Variants in PRUNE2 observed in about 807,000 individuals in gnomAD.
PRUNE2 encodes prune homolog 2 with BCH domain, also known as protein prune homolog 2.
PRUNE2 carries 164 observed loss-of-function variants against 252.0 expected under a neutral mutation model. The ratio of observed to expected loss-of-function variants is 0.65; its 90% CI spans 0.57 to 0.74. The LOEUF (loss-of-function observed/expected upper bound fraction) is 0.74, where lower values mean the gene tolerates loss of function less well. PRUNE2 is among the 30% of genes least tolerant of loss of function. PRUNE2 has a pLI of 0.00. For synonymous variants in PRUNE2, 1,292 were observed against 1,350.2 expected (o/e 0.96, Z 0.94); for missense variants, 3,495 against 3,711.0 (o/e 0.94, Z 1.51).
rs549297695 is a variant in PRUNE2 at position 76,770,419 on chromosome 9, C to T, written c.756+53213G>A. Among the ~76,000 whole-genome samples the T allele has an allele frequency of 4.6e-5, 7 of 152,014 alleles. No individual in the cohort carries two copies. The South Asian group carries it at 1.5e-3, about 32-fold the overall frequency. ...AACACATTTTCAATCCAATCTATTG[C>T]CTTATTTTTAAAATATGTTAATGGC... On this transcript the variant is annotated intron_variant, in intron 6 of 18. Coordinates refer to ENST00000376718, the MANE Select transcript of PRUNE2 (RefSeq NM_015225.3).
In PRUNE2 at chr9:76,706,052, AGCATCTATCCACAAGTCAGGC is replaced by A. The variant is rs1418352199; in HGVS notation, c.6201_6221del (p.Pro2068_Ala2074del). 1 of 1,614,006 alleles carries A rather than the reference AGCATCTATCCACAAGTCAGGC, an allele frequency of 6.2e-7. No homozygotes were observed. The highest frequency in any genetic ancestry group is 1.1e-5 in the South Asian group (1 of 91,086). ...CTGCTTTCAAACTGAAGGGCTTCTT[AGCATCTATCCACAAGTCAGGC>A]GCGGCAGAGGCCAGCTGCCCACCCT... On this transcript the variant is annotated inframe_deletion, in exon 8 of 19. Transcript: ENST00000376718.
In PRUNE2 at chr9:76,709,048, G is replaced by C. The variant is rs772857061; in HGVS notation, c.3226C>G (p.Gln1076Glu). 22 of 1,613,988 alleles carry C rather than the reference G, an allele frequency of 1.4e-5. 1 individual carries two copies. In the South Asian group the frequency reaches 2.4e-4, roughly 18 times the overall value. ...ATGCTGGGGTCGTCGTAACTGGACT[G>C]GCTGCTTTCCCCGACGTCATCCTCC... ...SMEDDVGESS[Q>E]SSYDDPSMMQ... Residue 1076 changes from glutamine (Q) to glutamate (E), a missense_variant, in exon 8 of 19, where the codon CAG (glutamine) becomes GAG (glutamate). Physicochemically the swap from Gln to Glu is conservative, Grantham distance 29 (BLOSUM62 2). Coordinates refer to ENST00000376718, the MANE Select transcript of PRUNE2 (RefSeq NM_015225.3).
chr9:76,883,389 T>C (rs2061906474), intron 1 of PRUNE2, among the ~76,000 whole-genome samples: 2 of 152,216 alleles, frequency 1.3e-5, no homozygotes, highest in Admixed American at 1.3e-4. Flanking sequence ...TCATTATTTG[T>C]TCTCTCTACC....
At chr9:76,725,527 T>C (rs1257428993) in intron 6 of PRUNE2, among the ~76,000 whole-genome samples, 2 of 152,134 alleles carry the variant, frequency 1.3e-5, no homozygotes, top group Non-Finnish European at 2.9e-5. Context: ...CCCTTTGCTA[T>C]CAACCCAATG....
At chr9:76,868,168 T>C (rs1000549116) in intron 1 of PRUNE2, among the ~76,000 whole-genome samples, 2 of 152,160 alleles carry the variant, frequency 1.3e-5, no homozygotes, top group African/African-American at 4.8e-5. Flanking sequence ...AAAAACCTCA[T>C]ATGACTCAGT....
intron 9 of PRUNE2, among the ~76,000 whole-genome samples, chr9:76,668,204 G>T (rs2040572438): frequency 6.6e-6 from 1 of 151,976 alleles, no homozygotes; most frequent in African/African-American, 2.4e-5. Flanking sequence ...ATACTCACAG[G>T]TATATACCAA....
At chr9:76,670,243 C>T (rs986919956) in intron 9 of PRUNE2, among the ~76,000 whole-genome samples, 13 of 152,080 alleles carry the variant, frequency 8.5e-5, no homozygotes, top group Non-Finnish European at 1.3e-4. Flanking sequence ...CCTTGGGAAG[C>T]GCGAGGGGTC....
chr9:76,836,905 T>C (rs927064279), intron 4 of PRUNE2, among the ~76,000 whole-genome samples: 1 of 152,184 alleles, frequency 6.6e-6, no homozygotes, highest in African/African-American at 2.4e-5. Context: ...CTCTAATTAG[T>C]ATACAAATGA....
chr9:76,720,015 T>C (rs1008335382), intron 6 of PRUNE2, among the ~76,000 whole-genome samples: 2 of 152,172 alleles, frequency 1.3e-5, no homozygotes, highest in African/African-American at 4.8e-5. Flanking sequence ...GTTAACTGGA[T>C]TATTACTTTA....
At chr9:76,741,818 T>A (rs536425682) in intron 6 of PRUNE2, among the ~76,000 whole-genome samples, 4 of 152,350 alleles carry the variant, frequency 2.6e-5, no homozygotes, top group Non-Finnish European at 4.4e-5. Context: ...CAACACATTT[T>A]CCTACGTTCT....
intron 1 of PRUNE2, among the ~76,000 whole-genome samples, chr9:76,880,496 T>C (rs753541932): frequency 2.1e-4 from 32 of 152,330 alleles, no homozygotes; most frequent in Non-Finnish European, 4.0e-4. Context: ...CCTTAATCTA[T>C]CAAATTATGC....
At position 76,857,056 on chromosome 9, in the gene PRUNE2, C is replaced by T. The variant is rs1221127319; in HGVS notation, c.37-2848G>A. The T allele has an allele frequency of 2.9e-5, 13 of 455,920 alleles. No individual in the cohort carries two copies. The East Asian group carries it at 9.0e-4, about 32-fold the overall frequency. The allele number at this position is 455,920 out of a possible 1,614,324, so 28.2% of individuals were successfully genotyped here. A position where few individuals can be genotyped will look rare whatever the true frequency, so the allele number is the denominator to read the frequency against. On this transcript the variant is annotated intron_variant, in intron 1 of 18. Transcript: ENST00000376718. ...GGCGTGAGCCACCGCGCCTGGCCAA[C>T]ATGTCTCTTTTTTCATGGTCTCTCA...
At chr9:76,731,933 A>G (rs954237463) in intron 6 of PRUNE2, among the ~76,000 whole-genome samples, 2 of 152,088 alleles carry the variant, frequency 1.3e-5, no homozygotes, top group Non-Finnish European at 2.9e-5. Flanking sequence ...AAGGAGTCAA[A>G]CCTTTTTACT....
chr9:76,846,592 GA>G lies in PRUNE2; in HGVS notation c.430del (p.Ser144ProfsTer6). On this transcript the variant is annotated frameshift_variant, in exon 4 of 19. Coordinates refer to ENST00000376718, the MANE Select transcript of PRUNE2 (RefSeq NM_015225.3). LOFTEE classifies it high-confidence loss of function. ...AATCTCCTTTAGCACGAGAGAAGAG[GA>G]AGACTCTCGGAACTCAACGTTGGCA... ...SDANVEFRES[S>X]SSLVLKEILQ... 1 of 1,613,790 alleles carries G rather than the reference GA, an allele frequency of 6.2e-7. No individual in the cohort carries two copies. The highest frequency in any genetic ancestry group is 8.5e-7 in the Non-Finnish European group (1 of 1,179,656).
chr9:76,727,709 G>GTTTT (rs1204168069), intron 6 of PRUNE2, among the ~76,000 whole-genome samples: 57 of 72,014 alleles, frequency 7.9e-4, no homozygotes, highest in Non-Finnish European at 1.1e-3. Flanking sequence ...GGTAAACAGG[G>GTTTT]CTTTTTTTTT....
chr9:76,709,215 C>T lies in PRUNE2; in HGVS notation c.3059G>A (p.Arg1020Gln), dbSNP rs547334315. 1.8e-5 allele frequency: 14 copies of T among 765,438 alleles called. No homozygotes were observed. Among genetic ancestry groups the T allele is most frequent in the African/African-American group, 1.2e-4 (6 of 49,766 alleles). 47.4% of individuals were successfully genotyped at this position (765,438 alleles called of 1,614,324 possible). Residue 1020 changes from arginine to glutamine, a missense_variant, in exon 8 of 19, where the codon CGA becomes CAA. Arg to Gln is a conservative substitution (Grantham distance 43). Coordinates refer to ENST00000376718, the MANE Select transcript of PRUNE2 (RefSeq NM_015225.3). ...CCCAGGACCTGAACTGATTCGATTT[C>T]GAGATGACTGTTGCAGTGACTGAGG... ...IPPQSLQQSS[R>Q]NRISSGPGNL...
At chr9:76,905,211 C>T (rs2063412203) in intron 1 of PRUNE2, among the ~76,000 whole-genome samples, 1 of 152,164 alleles carries the variant, frequency 6.6e-6, no homozygotes, top group African/African-American at 2.4e-5. Context: ...GAATGTGTAG[C>T]AACTGTTAAC....
Position 76,664,172 on chromosome 9 carries a change from T to G in PRUNE2, c.8277-8670A>C, listed in dbSNP as rs140749104. ...ATGGATGGTAGGTGACTTCTAAGGC[T>G]AGGTCCTAAAAAGCACTGTGTGCTT... On this transcript the variant is annotated intron_variant, in intron 9 of 18. Transcript: ENST00000376718. 2.8e-3 allele frequency among the ~76,000 whole-genome samples: 426 copies of G among 152,354 alleles called. 1 individual carries two copies. Among genetic ancestry groups the G allele is most frequent in the Non-Finnish European group, 4.7e-3 (320 of 68,028 alleles).
intron 4 of PRUNE2, 39 bp from the exon 5 acceptor site, chr9:76,826,771 G>A: frequency 6.6e-7 from 1 of 1,515,044 alleles, no homozygotes; most frequent in East Asian, 2.4e-5. Context: ...AAGCTTTCCA[G>A]CCAAGCCAGA....
Sources: allele counts gnomAD v4.1 joint callset (sites outside exome capture counted in the v4.1 genomes callset), GRCh38; gene constraint gnomAD v4.1.1; transcripts MANE v1.5; gene names NCBI Gene and HGNC (gene_info 2026-07-23, HGNC 2026-07-21).